The following NUBPL variants were observed in gnomAD, a reference collection of about 807,000 sequenced individuals.
The protein encoded by NUBPL is NUBP iron-sulfur cluster assembly factor, mitochondrial.
In NUBPL, 31 loss-of-function variants were observed where a neutral mutation model predicts 45.7. The observed-to-expected ratio is 0.68, with a 90% CI of 0.51 to 0.92. NUBPL has a LOEUF of 0.92. NUBPL is among the 40% of genes least tolerant of loss of function. The probability of loss-of-function intolerance (pLI) is 0.00; values close to 1 mark genes in which losing one functional copy is unlikely to be tolerated. For missense variants in NUBPL, 401 were observed against 398.7 expected, an observed-to-expected ratio of 1.01 and a Z score of -0.05; for synonymous variants, 144 against 140.9, an observed-to-expected ratio of 1.02 and a Z score of -0.15.
At chr14:31,825,765 T>C (rs914627838) in intron 7 of NUBPL, among the ~76,000 whole-genome samples, 1 of 151,480 alleles carries the variant, frequency 6.6e-6, no homozygotes, top group African/African-American at 2.4e-5. Context: ...TTCTTCTTTC[T>C]TCTTCCTCCT....
At chr14:31,841,917 C>CTTTTGTTTTTGTTTTTGTTTTTTTTT in intron 8 of NUBPL, among the ~76,000 whole-genome samples, 1 of 43,036 alleles carries the variant, frequency 2.3e-5, no homozygotes, top group Admixed American at 3.2e-4. Context: ...CGATTCTGGG[C>CTTTTGTTTTTGTTTTTGTTTTTTTTT]TTTTTTTTTT....
chr14:31,758,995 T>C (rs1056687610), intron 6 of NUBPL, among the ~76,000 whole-genome samples: 2 of 152,040 alleles, frequency 1.3e-5, no homozygotes, highest in Non-Finnish European at 2.9e-5. Context: ...CGGTTCCTCT[T>C]ACCATCCTCC....
chr14:31,853,116 T>C (rs1205900678), intron 10 of NUBPL, among the ~76,000 whole-genome samples: 2 of 144,354 alleles, frequency 1.4e-5, no homozygotes, highest in African/African-American at 5.1e-5. Context: ...TGTTTTGTTT[T>C]GTTTGAGACA....
intron 9 of NUBPL, among the ~76,000 whole-genome samples, chr14:31,847,605 G>A (rs568679154): frequency 1.2e-4 from 19 of 152,306 alleles, no homozygotes; most frequent in African/African-American, 4.3e-4. Flanking sequence ...ATTGTGAATG[G>A]GTTTCTGTTC....
chr14:31,668,199 G>T (rs1158846771), intron 4 of NUBPL, among the ~76,000 whole-genome samples: 2 of 152,172 alleles, frequency 1.3e-5, no homozygotes, highest in South Asian at 4.1e-4. Flanking sequence ...AGGGAGATGG[G>T]GGTTTTATCT....
Position 31,859,374 on chromosome 14 carries a change from T to G in NUBPL, c.*194T>G. On this transcript the variant is annotated 3_prime_UTR_variant, in exon 11 of 11. Coordinates refer to ENST00000281081, the MANE Select transcript of NUBPL (RefSeq NM_025152.3). ...ATGTATCAATGTTAACTGCTATATT[T>G]AGGAATTTTTTGAAAGCTGGTGTGT... The G allele has an allele frequency of 1.7e-6, 1 of 599,508 alleles. No individual in the cohort carries two copies. 37.1% of individuals were successfully genotyped at this position (599,508 alleles called of 1,614,324 possible).
intron 7 of NUBPL, among the ~76,000 whole-genome samples, chr14:31,793,842 T>TTTTTTTTTTTTTTA (rs2039431341): frequency 2.4e-5 from 3 of 125,058 alleles, no homozygotes; most frequent in African/African-American, 1.3e-4. Context: ...TTTTTTTTTA[T>TTTTTTTTTTTTTTA]TTTTTTTTTT....
chr14:31,771,335 A>G (rs1322076430), intron 6 of NUBPL, among the ~76,000 whole-genome samples: 2 of 151,498 alleles, frequency 1.3e-5, no homozygotes, highest in African/African-American at 2.4e-5. Flanking sequence ...CCAGAATAGG[A>G]AAAAAAAAGG....
chr14:31,764,707 C>T (rs767820434), intron 6 of NUBPL, among the ~76,000 whole-genome samples: 1 of 152,134 alleles, frequency 6.6e-6, no homozygotes, highest in African/African-American at 2.4e-5. Context: ...CAGCTGCTCA[C>T]TTAATGGTCT....
chr14:31,776,057 C>T (rs768673503), intron 6 of NUBPL, among the ~76,000 whole-genome samples: 19 of 152,078 alleles, frequency 1.2e-4, no homozygotes, highest in African/African-American at 1.9e-4. Flanking sequence ...AATTTCTTTT[C>T]GTGTTCTAAG....
rs531122083 is a variant in NUBPL at position 31,734,277 on chromosome 14, C to T, written c.514-53503C>T. ...TGCCATATAATAATGTCCTTTTAAG[C>T]ATGAGCACTTCTGTCTCTTGTCCTT... On this transcript the variant is annotated intron_variant, in intron 6 of 10. Transcript: ENST00000281081. 2.6e-5 allele frequency among the ~76,000 whole-genome samples: 4 copies of T among 152,252 alleles called. No individual in the cohort carries two copies. In the South Asian group the frequency reaches 8.3e-4, roughly 32 times the overall value.
At chr14:31,841,031 C>G (rs1014687299) in intron 8 of NUBPL, among the ~76,000 whole-genome samples, 1 of 152,194 alleles carries the variant, frequency 6.6e-6, no homozygotes, top group Non-Finnish European at 1.5e-5. Flanking sequence ...TGCCATCGTT[C>G]TTTTCTTGTC....
chr14:31,706,028 C>G (rs2037443148), intron 6 of NUBPL, among the ~76,000 whole-genome samples: 1 of 152,202 alleles, frequency 6.6e-6, no homozygotes, highest in Non-Finnish European at 1.5e-5. Flanking sequence ...TTGGCCAGCC[C>G]CAGGTAGGGG....
At chr14:31,655,499 G>T (rs778223321) in intron 4 of NUBPL, among the ~76,000 whole-genome samples, 6 of 152,140 alleles carry the variant, frequency 3.9e-5, no homozygotes, top group Non-Finnish European at 7.3e-5. Flanking sequence ...GATTGCCTGA[G>T]TTCAGGAGTT....
intron 10 of NUBPL, 40 bp downstream of exon 10, chr14:31,850,241 A>G (rs766884169): frequency 1.4e-6 from 2 of 1,477,932 alleles, no homozygotes; most frequent in South Asian, 2.3e-5. Flanking sequence ...ATTTCTTTTT[A>G]TGTACTTTTG....
At chr14:31,662,171 A>G (rs1457600412) in intron 4 of NUBPL, 1 of 152,016 alleles carries the variant, frequency 6.6e-6, no homozygotes, top group Admixed American at 6.5e-5. Context: ...AACACATTTA[A>G]CATGGTGATG....
At chr14:31,754,294 C>T (rs1436221786) in intron 6 of NUBPL, among the ~76,000 whole-genome samples, 1 of 152,128 alleles carries the variant, frequency 6.6e-6, no homozygotes, top group Admixed American at 6.5e-5. Flanking sequence ...ATATCACACA[C>T]AGAGAGAAAA....
intron 3 of NUBPL, among the ~76,000 whole-genome samples, chr14:31,587,119 A>G (rs2034014974): frequency 6.6e-6 from 1 of 152,182 alleles, no homozygotes; most frequent in Non-Finnish European, 1.5e-5. Flanking sequence ...TGTTAAATAA[A>G]TCAAAATCTC....
rs147235132 is a variant in NUBPL, at chr14:31,674,007, A to T, written c.513+433A>T. On this transcript the variant is annotated intron_variant, in intron 6 of 10. Transcript: ENST00000281081. Reference sequence around the variant, plus strand: ...TTAAAATTGCTCCAGAAAAAAGTAAAATTTTGTTTTGAGTATATATGGTTA... The same window carrying T: ...TTAAAATTGCTCCAGAAAAAAGTAATATTTTGTTTTGAGTATATATGGTTA... Among the ~76,000 whole-genome samples, 3 of 152,330 alleles carry T rather than the reference A, an allele frequency of 2.0e-5. No homozygotes were observed. The East Asian group carries it at 5.8e-4, about 29-fold the overall frequency.
Sources: gnomAD v4.1 joint callset for allele counts (sites outside exome capture counted in the v4.1 genomes callset) on GRCh38, gnomAD v4.1.1 for gene constraint, MANE v1.5 for transcripts, NCBI Gene and HGNC (gene_info 2026-07-23, HGNC 2026-07-21) for gene names.